TMPRSS9: variants seen among roughly 807,000 people sequenced by gnomAD.
The protein encoded by TMPRSS9 is transmembrane serine protease 9.
TMPRSS9 carries 113 observed loss-of-function variants against 111.4 expected under a neutral mutation model. The ratio of observed to expected loss-of-function variants is 1.01; its 90% confidence interval spans 0.87 to 1.19. The LOEUF (loss-of-function observed/expected upper bound fraction) is 1.19. TMPRSS9 is among the 50% of genes most tolerant of loss of function. TMPRSS9 has a pLI of 0.00. For synonymous variants in TMPRSS9, 805 were observed against 659.1 expected, an observed-to-expected ratio of 1.22 and a Z score of -3.39; for missense variants, 1,803 against 1,513.1, an observed-to-expected ratio of 1.19 and a Z score of -3.18.
At chr19:2,420,140 C>A (rs543521529) in intron 13 of TMPRSS9, among the ~76,000 whole-genome samples, 24 of 150,302 alleles carry the variant, frequency 1.6e-4, no homozygotes, top group African/African-American at 5.2e-4. Context: ...CCATCCTGGG[C>A]GACACAGCAA....
At chr19:2,421,576 C>A (rs1971462754) in intron 13 of TMPRSS9, among the ~76,000 whole-genome samples, 1 of 152,102 alleles carries the variant, frequency 6.6e-6, no homozygotes, top group East Asian at 1.9e-4. Flanking sequence ...CGTGAGCCAC[C>A]ACGCCTGGCC....
chr19:2,403,119 C>G (rs1378314402), exon 6 of TMPRSS9: 90 of 1,612,388 alleles, frequency 5.6e-5, no homozygotes, highest in Non-Finnish European at 7.4e-5. Context: ...GCGGGAACAG[C>G]CAGTGTGTGA....
At chr19:2,368,974 A>C (rs1970269605) in intron 1 of TMPRSS9, among the ~76,000 whole-genome samples, 1 of 144,848 alleles carries the variant, frequency 6.9e-6, no homozygotes, top group Admixed American at 7.0e-5. Flanking sequence ...TTTTTGAGAC[A>C]GAGTTTTGCT....
intron 9 of TMPRSS9, among the ~76,000 whole-genome samples, chr19:2,411,347 G>A (rs1485634940): frequency 7.1e-6 from 1 of 141,642 alleles, no homozygotes; most frequent in Non-Finnish European, 1.5e-5. Flanking sequence ...AAAATCAGGG[G>A]TCATCCAAAG....
At chr19:2,394,849 C>G (rs112378258) in intron 1 of TMPRSS9, among the ~76,000 whole-genome samples, 2 of 152,070 alleles carry the variant, frequency 1.3e-5, no homozygotes, top group African/African-American at 2.4e-5. Context: ...AACTCGTGCT[C>G]TCATGGTTTC....
chr19:2,372,258 T>A (rs2145248076), intron 1 of TMPRSS9, among the ~76,000 whole-genome samples: 1 of 152,272 alleles, frequency 6.6e-6, no homozygotes, highest in South Asian at 2.1e-4. Context: ...GCGAGTCTCC[T>A]CCTACTGATC....
chr19:2,393,705 C>T (rs1599288812), intron 1 of TMPRSS9, among the ~76,000 whole-genome samples: 1 of 152,006 alleles, frequency 6.6e-6, no homozygotes, highest in African/African-American at 2.4e-5. Flanking sequence ...TGAGACCAGC[C>T]TGGCCAACAT....
intron 1 of TMPRSS9, among the ~76,000 whole-genome samples, chr19:2,383,304 A>T (rs1332540517): frequency 6.6e-6 from 1 of 151,880 alleles, no homozygotes; most frequent in African/African-American, 2.4e-5. Context: ...CAGTGAGCCA[A>T]GATTGCACCA....
upstream of TMPRSS9, among the ~76,000 whole-genome samples, chr19:2,385,321 G>A (rs988221563): frequency 1.3e-5 from 2 of 152,120 alleles, no homozygotes; most frequent in African/African-American, 2.4e-5. Context: ...CTCAGGGGCC[G>A]ACAGCTGCCC....
intron 7 of TMPRSS9, among the ~76,000 whole-genome samples, chr19:2,406,637 C>T (rs1970976208): frequency 6.6e-6 from 1 of 150,888 alleles, no homozygotes; most frequent in South Asian, 2.1e-4. Context: ...GCCTGGCCCA[C>T]TTGCTGTTCT....
In TMPRSS9 at chr19:2,425,919, C is replaced by T. The variant is rs375114457; in HGVS notation, c.3121-8C>T. 1.3e-6 allele frequency: 2 copies of T among 1,587,100 alleles called. No individual in the cohort carries two copies. Among genetic ancestry groups the T allele is most frequent in the African/African-American group, 1.4e-5 (1 of 73,102 alleles). On this transcript the variant is annotated splice_polypyrimidine_tract_variant and splice_region_variant and intron_variant, in intron 17 of 17. Transcript: ENST00000648592. Reference sequence around the variant, plus strand: ...GCCTCTGAACCCCCTTTCTTCTCTCCCCAACAGGGTGACGCTGGGGGACCC... The same window carrying T: ...GCCTCTGAACCCCCTTTCTTCTCTCTCCAACAGGGTGACGCTGGGGGACCC...
upstream of TMPRSS9, among the ~76,000 whole-genome samples, chr19:2,387,123 A>G (rs910143082): frequency 3.3e-5 from 5 of 151,580 alleles, no homozygotes; most frequent in South Asian, 8.4e-4. Flanking sequence ...TTGGGAGGCC[A>G]AGGCGGGTGG....
exon 16 of TMPRSS9, chr19:2,425,158 G>A (rs371496004): frequency 5.8e-5 from 91 of 1,570,342 alleles, no homozygotes; most frequent in Middle Eastern, 1.7e-4. Flanking sequence ...TGGCGGGGCC[G>A]GTGCGTCGCA....
chr19:2,387,531 A>T (rs1353967334), upstream of TMPRSS9, among the ~76,000 whole-genome samples: 1 of 133,310 alleles, frequency 7.5e-6, no homozygotes, highest in Non-Finnish European at 1.5e-5. Context: ...AAAGGAAGGG[A>T]AGGGAAAGGA....
intron 1 of TMPRSS9, among the ~76,000 whole-genome samples, chr19:2,379,899 C>G (rs1485217282): frequency 6.6e-6 from 1 of 151,766 alleles, no homozygotes; most frequent in Non-Finnish European, 1.5e-5. Context: ...CAGGTGCATG[C>G]TACCATGCCC....
chr19:2,382,421 C>T (rs142079331), intron 1 of TMPRSS9, among the ~76,000 whole-genome samples: 20 of 152,272 alleles, frequency 1.3e-4, no homozygotes, highest in South Asian at 6.2e-4. Context: ...CGTGAGCCAC[C>T]GCGCCCGGTC....
chr19:2,397,896 G>C lies in TMPRSS9; in HGVS notation c.271-899G>C, dbSNP rs138672778. Among the ~76,000 whole-genome samples, 839 of 137,802 alleles carry C rather than the reference G, an allele frequency of 6.1e-3. 7 individuals carry two copies. Among genetic ancestry groups the C allele is most frequent in the African/African-American group, 0.022 (797 of 36,820 alleles). 90.4% of individuals were successfully genotyped at this position (137,802 alleles called of 152,430 possible). On this transcript the variant is annotated intron_variant, in intron 2 of 17. Transcript: ENST00000648592. ...GATCGTGCCATTGCACTCCAGCCTG[G>C]GTGACCGAGTGAGACTCCATCTTAA...
rs1475091231 is a variant in TMPRSS9 at position 2,418,337 on chromosome 19, T to C, written c.2154+199T>C. Among the ~76,000 whole-genome samples the C allele has an allele frequency of 3.9e-3, 117 of 30,110 alleles. 10 individuals carry two copies. The highest frequency in any genetic ancestry group is 0.036 in the East Asian group (28 of 788). 19.8% of individuals were successfully genotyped at this position (30,110 alleles called of 152,430 possible). ...TCCCTCCCTCCCTCCCTCCCTTTCC[T>C]TCCCTCCCTTTCCCTCCCTCCCTCC... On this transcript the variant is annotated intron_variant, in intron 13 of 17. Transcript: ENST00000648592.
chr19:2,413,755 C>T (rs1307813153), exon 10 of TMPRSS9: 6 of 1,613,742 alleles, frequency 3.7e-6, no homozygotes, highest in Non-Finnish European at 3.4e-6. Context: ...TTCTTTCTGG[C>T]TGGCATCGTG....
Sources: gnomAD v4.1 joint callset for allele counts (sites outside exome capture counted in the v4.1 genomes callset) on GRCh38, gnomAD v4.1.1 for gene constraint, MANE v1.5 for transcripts, NCBI Gene and HGNC (gene_info 2026-07-23, HGNC 2026-07-21) for gene names.